The following WDR27 variants were observed in gnomAD, a reference collection of about 807,000 sequenced individuals.
The protein encoded by WDR27 is WD repeat-containing protein 27.
Under a neutral mutation model 114.4 loss-of-function variants are expected in WDR27, and 100 were observed. The observed-to-expected ratio is 0.87, with a 90% CI of 0.74 to 1.03. The LOEUF is 1.03. WDR27 is among the 50% of genes least tolerant of loss of function. The pLI, the probability that WDR27 is intolerant of heterozygous loss-of-function variation, is 0.00. For missense variants in WDR27, 1,129 were observed against 1,092.9 expected (o/e 1.03, Z -0.47); for synonymous variants, 449 against 423.1 (o/e 1.06, Z -0.75).
chr6:169,462,954 G>A (rs932577199), intron 25 of WDR27, among the ~76,000 whole-genome samples: 2 of 152,086 alleles, frequency 1.3e-5, no homozygotes, highest in African/African-American at 4.8e-5. Context: ...AAGAATAGAA[G>A]GAAGTTACAT....
At chr6:169,624,411 C>T (rs1465765711) in intron 21 of WDR27, among the ~76,000 whole-genome samples, 1 of 152,148 alleles carries the variant, frequency 6.6e-6, no homozygotes, top group Non-Finnish European at 1.5e-5. Flanking sequence ...CACCAGAGTG[C>T]AGCCCCTCAT....
chr6:169,699,904 C>G (rs1181829385), intron 1 of WDR27, among the ~76,000 whole-genome samples: 3 of 152,030 alleles, frequency 2.0e-5, no homozygotes, highest in Non-Finnish European at 4.4e-5. Context: ...ATCGTTTGAG[C>G]CACGGAGGTT....
At chr6:169,514,069 A>G (rs1377257231) in intron 25 of WDR27, among the ~76,000 whole-genome samples, 1 of 152,180 alleles carries the variant, frequency 6.6e-6, no homozygotes, top group Non-Finnish European at 1.5e-5. Context: ...GATAAGGTTC[A>G]CGTTATTTCA....
chr6:169,595,897 C>A (rs1040596371), intron 23 of WDR27, among the ~76,000 whole-genome samples: 1 of 149,136 alleles, frequency 6.7e-6, no homozygotes, highest in Non-Finnish European at 1.5e-5. Context: ...TATTAAAATT[C>A]TTGACTCAGA....
chr6:169,555,573 T>C (rs543150847), intron 25 of WDR27, among the ~76,000 whole-genome samples: 3 of 152,302 alleles, frequency 2.0e-5, no homozygotes, highest in Non-Finnish European at 2.9e-5. Context: ...ACCAAAACTA[T>C]GGCCATATGA....
intron 25 of WDR27, among the ~76,000 whole-genome samples, chr6:169,482,749 CAT>C (rs531030020): frequency 5.3e-5 from 8 of 152,192 alleles, no homozygotes; most frequent in Non-Finnish European, 8.8e-5. Context: ...TTCATCACCA[CAT>C]GTCACATACT....
At chr6:169,645,023 T>TAAAAAAAAAAATAAAAAA (rs1820200961) in intron 16 of WDR27, among the ~76,000 whole-genome samples, 8 of 46,976 alleles carry the variant, frequency 1.7e-4, no homozygotes, top group African/African-American at 3.0e-4. Context: ...AAAAAAAAAA[T>TAAAAAAAAAAATAAAAAA]AAAAAAAAAA....
chr6:169,590,842 A>G (rs1470962314), intron 23 of WDR27, among the ~76,000 whole-genome samples: 1 of 152,210 alleles, frequency 6.6e-6, no homozygotes, highest in Non-Finnish European at 1.5e-5. Flanking sequence ...CTGGGATAAT[A>G]TGCCATTCTG....
At chr6:169,554,353 C>T (rs1178762402) in intron 25 of WDR27, among the ~76,000 whole-genome samples, 1 of 152,182 alleles carries the variant, frequency 6.6e-6, no homozygotes, top group Non-Finnish European at 1.5e-5. Context: ...GACCCATCAG[C>T]AGAGGCAAGT....
intron 25 of WDR27, among the ~76,000 whole-genome samples, chr6:169,474,234 G>A (rs1189066819): frequency 1.3e-5 from 2 of 152,174 alleles, no homozygotes; most frequent in East Asian, 3.8e-4. Context: ...AGCACCTACA[G>A]AAGCAAACCT....
Position 169,701,979 on chromosome 6 carries a change from C to A in WDR27, c.-436G>T. 2.5e-6 allele frequency: 1 copy of A among 397,840 alleles called. No individual in the cohort carries two copies. Among genetic ancestry groups the A allele is most frequent in the South Asian group, 1.8e-5 (1 of 55,220 alleles). The allele number at this position is 397,840 out of a possible 1,614,324, so 24.6% of individuals were successfully genotyped here. On this transcript the variant is annotated 5_prime_UTR_variant, in exon 1 of 26. Transcript: ENST00000448612. ...GACTACCGAGCCACACTCCGCCCCA[C>A]GCTCGCCGCTATGGTTACTTGCCAG...
intron 2 of WDR27, among the ~76,000 whole-genome samples, chr6:169,676,575 T>C (rs1028854580): frequency 2.6e-5 from 4 of 152,170 alleles, no homozygotes; most frequent in Admixed American, 2.6e-4. Context: ...TCTGGCACTT[T>C]TTAAGTCTAA....
At chr6:169,700,744 T>C (rs1787723375) in intron 1 of WDR27, among the ~76,000 whole-genome samples, 1 of 152,200 alleles carries the variant, frequency 6.6e-6, no homozygotes, top group Non-Finnish European at 1.5e-5. Context: ...TCCACTAATA[T>C]AAATTGTTTA....
At chr6:169,699,094 C>T (rs1031695607) in intron 1 of WDR27, among the ~76,000 whole-genome samples, 1 of 152,146 alleles carries the variant, frequency 6.6e-6, no homozygotes, top group Non-Finnish European at 1.5e-5. Context: ...GAAAACTTAC[C>T]ACAGGCTTAC....
chr6:169,695,414 G>A (rs1455626320), intron 1 of WDR27, among the ~76,000 whole-genome samples: 7 of 152,192 alleles, frequency 4.6e-5, no homozygotes, highest in African/African-American at 1.4e-4. Flanking sequence ...GTCAAATGCT[G>A]AAACATCAAC....
chr6:169,694,646 G>A (rs1011803339), intron 1 of WDR27, among the ~76,000 whole-genome samples: 5 of 152,150 alleles, frequency 3.3e-5, no homozygotes, highest in African/African-American at 1.2e-4. Context: ...GAGAGAAAAG[G>A]AGTTTAATAT....
chr6:169,564,801 C>T (rs1326203033), intron 25 of WDR27, among the ~76,000 whole-genome samples: 1 of 152,200 alleles, frequency 6.6e-6, no homozygotes, highest in African/African-American at 2.4e-5. Context: ...GCCCAGTTTT[C>T]TGGCCCTGCC....
At chr6:169,497,845 T>A (rs1790612988) in intron 25 of WDR27, among the ~76,000 whole-genome samples, 1 of 152,124 alleles carries the variant, frequency 6.6e-6, no homozygotes, top group African/African-American at 2.4e-5. Context: ...GCATGGCATT[T>A]TTTTCCAAAA....
chr6:169,628,491 G>A (rs1414477443), intron 21 of WDR27, among the ~76,000 whole-genome samples: 1 of 152,152 alleles, frequency 6.6e-6, no homozygotes, highest in Non-Finnish European at 1.5e-5. Context: ...GTGCAAACTT[G>A]CTGACCACAC....
Sources: gnomAD v4.1 joint callset for allele counts (sites outside exome capture counted in the v4.1 genomes callset) on GRCh38, gnomAD v4.1.1 for gene constraint, MANE v1.5 for transcripts, NCBI Gene and HGNC (gene_info 2026-07-23, HGNC 2026-07-21) for gene names.